The following PEX5L variants were observed in gnomAD, a reference collection of about 807,000 sequenced individuals.
PEX5L encodes the protein PEX5-related protein.
Under a neutral mutation model 84.0 loss-of-function variants are expected in PEX5L, and 30 were observed. That is an observed-to-expected ratio of 0.36 (90% confidence interval 0.27 to 0.48). The LOEUF is 0.48. Ranked by LOEUF, PEX5L falls within the 20% of genes least tolerant of loss-of-function variation. PEX5L has a pLI of 0.99. For missense variants in PEX5L, 533 were observed against 754.6 expected (o/e 0.71, Z 3.44); for synonymous variants, 270 against 283.1 (o/e 0.95, Z 0.46).
At chr3:179,898,060 T>G (rs998901384) in intron 3 of PEX5L, 82 bp downstream of exon 3, 2 of 814,458 alleles carry the variant, frequency 2.5e-6, no homozygotes, top group African/African-American at 3.5e-5. Flanking sequence ...GAGTTAAAGT[T>G]TTTTTTTTCT....
rs139919249 is a variant in PEX5L at position 179,887,106 on chromosome 3, C to T, written c.310+567G>A. On this transcript the variant is annotated intron_variant, in intron 4 of 14. Coordinates refer to ENST00000467460, the MANE Select transcript of PEX5L (RefSeq NM_016559.3). ...GCCGATTCCTATATGTGACAGGCAC[C>T]GAGCAGGGGATGGTTTACTATTTGA... Among the ~76,000 whole-genome samples the T allele has an allele frequency of 9.5e-4, 144 of 152,240 alleles. 2 individuals carry two copies. In the East Asian group the frequency reaches 0.021, roughly 22 times the overall value.
chr3:179,871,251 C>A (rs975425424), intron 7 of PEX5L, among the ~76,000 whole-genome samples: 3 of 152,014 alleles, frequency 2.0e-5, no homozygotes, highest in Non-Finnish European at 4.4e-5. Context: ...TACAGGCATG[C>A]ACCACCAGGC....
At chr3:179,849,338 A>G (rs1740870378) in intron 8 of PEX5L, among the ~76,000 whole-genome samples, 2 of 152,228 alleles carry the variant, frequency 1.3e-5, no homozygotes, top group Non-Finnish European at 2.9e-5. Flanking sequence ...ATATTTTTAA[A>G]TATATATGAA....
intron 2 of PEX5L, among the ~76,000 whole-genome samples, chr3:179,956,410 A>T (rs897479997): frequency 1.3e-5 from 2 of 152,160 alleles, no homozygotes; most frequent in Non-Finnish European, 2.9e-5. Flanking sequence ...TTTCAATATG[A>T]AGCAGTCTTA....
intron 2 of PEX5L, among the ~76,000 whole-genome samples, chr3:179,945,257 T>C: frequency 6.6e-6 from 1 of 152,148 alleles, no homozygotes; most frequent in East Asian, 1.9e-4. Flanking sequence ...TCACCTAAAT[T>C]TTAAGTATTG....
intron 1 of PEX5L, among the ~76,000 whole-genome samples, chr3:180,023,939 G>A (rs1790665322): frequency 6.6e-6 from 1 of 152,032 alleles, no homozygotes; most frequent in Non-Finnish European, 1.5e-5. Flanking sequence ...TGTGCAGATT[G>A]GCTGTGCAAA....
In PEX5L at chr3:179,943,669, A is replaced by G. The variant is rs1776750076; in HGVS notation, c.93+27925T>C. Among the ~76,000 whole-genome samples, 3 of 152,356 alleles carry G rather than the reference A, an allele frequency of 2.0e-5. 1 individual carries two copies. In the South Asian group the frequency reaches 6.2e-4, roughly 32 times the overall value. On this transcript the variant is annotated intron_variant, in intron 2 of 14. Transcript: ENST00000467460. ...GTGGAGAATCACAATAAGACAGCAG[A>G]GGCGGTGAGCACTAAGCACGTGACA... is the stretch of plus-strand genomic sequence containing the variant.
chr3:179,955,328 G>A (rs7651802), intron 2 of PEX5L, among the ~76,000 whole-genome samples: 109,187 of 151,514 alleles, frequency 0.72, 40,024 homozygotes, highest in East Asian at 0.89. Flanking sequence ...AAACTATACA[G>A]GGTGGTTCTA....
In PEX5L at chr3:179,859,153, C is replaced by T. The variant is rs151155435; in HGVS notation, c.731G>A (p.Arg244Gln). Reference protein sequence around the residue: ...ELELVAPTQARLTKEHRWGSA... With the variant: ...ELELVAPTQAQLTKEHRWGSA... The stretch of plus-strand genomic sequence containing the variant: ...TCCCCAGCGATGTTCTTTGGTCAGT[C>T]GAGCCTGAAATCAATCATACACATA... The change falls in exon 8 of 15, where the codon CGA (arginine) becomes CAA (glutamine). Residue 244 changes from arginine to glutamine, a missense_variant. Physicochemically the swap from Arg to Gln is conservative, Grantham distance 43 (BLOSUM62 1). Transcript: ENST00000467460. 5 of 1,610,932 alleles carry T rather than the reference C, an allele frequency of 3.1e-6. No individual in the cohort carries two copies. Among genetic ancestry groups the T allele is most frequent in the East Asian group, 4.5e-5 (2 of 44,868 alleles).
intron 5 of PEX5L, among the ~76,000 whole-genome samples, chr3:179,878,753 A>G (rs1424339156): frequency 3.3e-5 from 5 of 152,186 alleles, no homozygotes; most frequent in Non-Finnish European, 7.3e-5. Context: ...GGCTGGAGCA[A>G]TGGCATGATG....
chr3:179,876,251 T>C (rs1185953202), intron 5 of PEX5L, among the ~76,000 whole-genome samples: 1 of 151,936 alleles, frequency 6.6e-6, no homozygotes, highest in African/African-American at 2.4e-5. Flanking sequence ...CCCAGCACAT[T>C]GGGAGGCAGA....
At chr3:179,846,368 T>G (rs1739348332) in intron 8 of PEX5L, among the ~76,000 whole-genome samples, 1 of 152,200 alleles carries the variant, frequency 6.6e-6, no homozygotes, top group South Asian at 2.1e-4. Context: ...TCTAGCTATT[T>G]TGAAATATAC....
intron 2 of PEX5L, chr3:179,921,853 A>C (rs1769540355): frequency 6.6e-6 from 1 of 152,208 alleles, no homozygotes; most frequent in Non-Finnish European, 1.5e-5. Context: ...TTGGAATCAC[A>C]AGATGTTTTT....
At chr3:179,986,857 G>A (rs917457274) in intron 1 of PEX5L, among the ~76,000 whole-genome samples, 4 of 152,018 alleles carry the variant, frequency 2.6e-5, no homozygotes, top group African/African-American at 7.2e-5. Flanking sequence ...TTGAAAGTTC[G>A]AATAACATAA....
chr3:179,853,254 A>G (rs1388760728), intron 8 of PEX5L, among the ~76,000 whole-genome samples: 1 of 152,214 alleles, frequency 6.6e-6, no homozygotes, highest in Non-Finnish European at 1.5e-5. Context: ...GGCCCATGGA[A>G]GCAGCTAAGG....
At position 179,916,828 on chromosome 3, in the gene PEX5L, C is replaced by T. The variant is rs1037452344; in HGVS notation, c.94-18582G>A. 6.6e-5 allele frequency among the ~76,000 whole-genome samples: 10 copies of T among 151,908 alleles called. 1 individual carries two copies. Among genetic ancestry groups the T allele is most frequent in the South Asian group, 4.2e-4 (2 of 4,800 alleles). On this transcript the variant is annotated intron_variant, in intron 2 of 14. Coordinates refer to ENST00000467460, the MANE Select transcript of PEX5L (RefSeq NM_016559.3). ...AGGATTACAGGTGCACACCACCACT[C>T]CCGGTGAATTTTTGTATTTTTAGTT...
intron 2 of PEX5L, among the ~76,000 whole-genome samples, chr3:179,932,122 C>G (rs1476622982): frequency 6.6e-6 from 1 of 151,908 alleles, no homozygotes; most frequent in Admixed American, 6.6e-5. Context: ...ACCCAGTAAA[C>G]AAAACATTAT....
intron 1 of PEX5L, among the ~76,000 whole-genome samples, chr3:180,034,491 C>A (rs1463742895): frequency 6.6e-6 from 1 of 151,982 alleles, no homozygotes; most frequent in Non-Finnish European, 1.5e-5. Flanking sequence ...AAATAATATT[C>A]TTTGGGGGAA....
chr3:179,947,262 T>C (rs1032226874), intron 2 of PEX5L, among the ~76,000 whole-genome samples: 4 of 152,098 alleles, frequency 2.6e-5, no homozygotes, highest in Admixed American at 2.0e-4. Flanking sequence ...ACTTAAAAGA[T>C]AGAAAGCATA....
Sources: gnomAD v4.1 joint callset for allele counts (sites outside exome capture counted in the v4.1 genomes callset) on GRCh38, gnomAD v4.1.1 for gene constraint, MANE v1.5 for transcripts, NCBI Gene and HGNC (gene_info 2026-07-23, HGNC 2026-07-21) for gene names.